KDM5A: variants seen among roughly 807,000 people sequenced by gnomAD.
KDM5A encodes lysine demethylase 5A.
In KDM5A, 42 loss-of-function variants were observed where a neutral mutation model predicts 193.5. The ratio of observed to expected loss-of-function variants is 0.22; its 90% confidence interval spans 0.17 to 0.28. The LOEUF (loss-of-function observed/expected upper bound fraction) is 0.28, where lower values mean the gene tolerates loss of function less well. KDM5A is among the 10% of genes least tolerant of loss of function. The pLI is 1.00. For synonymous variants in KDM5A, 796 were observed against 718.1 expected, an observed-to-expected ratio of 1.11 and a Z score of -1.73; for missense variants, 1,692 against 2,055.1, an observed-to-expected ratio of 0.82 and a Z score of 3.42.
chr12:284,140 T>A lies in KDM5A; in HGVS notation c.*1316A>T, dbSNP rs1213286354. On this transcript the variant is annotated 3_prime_UTR_variant, in exon 28 of 28. Coordinates refer to ENST00000399788, the MANE Select transcript of KDM5A (RefSeq NM_001042603.3). ...AAAGAAGGAATGGGATTTTTTTTTT[T>A]AAAGCAAAAAAGAAAAAGCAAGCCC... 7 of 228,442 alleles carry A rather than the reference T, an allele frequency of 3.1e-5. No homozygotes were observed. Among genetic ancestry groups the A allele is most frequent in the Non-Finnish European group, 4.3e-5 (5 of 115,344 alleles). 14.2% of individuals were successfully genotyped at this position (228,442 alleles called of 1,614,324 possible). A position where few individuals can be genotyped will look rare whatever the true frequency, so the allele number is the denominator to read the frequency against.
intron 24 of KDM5A, among the ~76,000 whole-genome samples, chr12:305,912 T>C (rs1943497379): frequency 6.6e-6 from 1 of 151,746 alleles, no homozygotes; most frequent in Non-Finnish European, 1.5e-5. Context: ...GAATGTGACA[T>C]TCTATCTAGC....
intron 19 of KDM5A, among the ~76,000 whole-genome samples, chr12:314,520 G>T (rs1465030386): frequency 6.6e-6 from 1 of 151,208 alleles, no homozygotes; most frequent in Non-Finnish European, 1.5e-5. Flanking sequence ...ATCTTATGAA[G>T]ATTATTCATA....
chr12:311,190 C>T, intron 20 of KDM5A, 126 bp from the exon 21 acceptor site: 1 of 828,992 alleles, frequency 1.2e-6, no homozygotes, highest in Non-Finnish European at 1.9e-6. Flanking sequence ...AATGTAATTC[C>T]ATCTCTTGAA....
rs201344467 is a variant in KDM5A at position 322,591 on chromosome 12, C to G, written c.2276-24G>C. 455 of 1,599,940 alleles carry G rather than the reference C, an allele frequency of 2.8e-4. 6 individuals carry two copies. The Middle Eastern group carries it at 9.6e-3, about 34-fold the overall frequency. The stretch of plus-strand genomic sequence containing the variant: ...ATCTGTAAAAATTTAAATAAAGAGC[C>G]ATATACAATAACCATAGACACAAAA... On this transcript the variant is annotated intron_variant, in intron 16 of 27. Transcript: ENST00000399788.
rs1031223874 is a variant in KDM5A, at chr12:283,023, C to T, written c.*2433G>A. 2.2e-5 allele frequency: 5 copies of T among 231,194 alleles called. No individual in the cohort carries two copies. The highest frequency in any genetic ancestry group is 3.4e-5 in the Non-Finnish European group (4 of 116,946). 14.3% of individuals were successfully genotyped at this position (231,194 alleles called of 1,614,324 possible). A position where few individuals can be genotyped will look rare whatever the true frequency, so the allele number is the denominator to read the frequency against. ...AATACAGAAAATCCCACAGTATCAACGAAAAGACATATTTAAGTTTCAAAA... is the reference window on the plus strand; with the variant it reads ...AATACAGAAAATCCCACAGTATCAATGAAAAGACATATTTAAGTTTCAAAA... On this transcript the variant is annotated 3_prime_UTR_variant, in exon 28 of 28. Transcript: ENST00000399788.
In KDM5A at chr12:365,969, G is replaced by A. The variant is rs773120976; in HGVS notation, c.502C>T (p.Pro168Ser). Reference protein sequence around the residue: ...LKSHYERILYPYELFQSGVSL... With the variant: ...LKSHYERILYSYELFQSGVSL... ...ACACCAGACTGGAAAAGCTCATATG[G>A]GTAGAGAATTCTTTCATAATGTGAC... The change falls in exon 4 of 28, where the codon CCA becomes TCA. Residue 168 changes from proline (P) to serine (S), a missense_variant. Pro to Ser is a moderately conservative substitution (Grantham distance 74, BLOSUM62 -1). Coordinates refer to ENST00000399788, the MANE Select transcript of KDM5A (RefSeq NM_001042603.3). 1 of 1,613,940 alleles carries A rather than the reference G, an allele frequency of 6.2e-7. No homozygotes were observed. The highest frequency in any genetic ancestry group is 8.5e-7 in the Non-Finnish European group (1 of 1,179,892).
chr12:362,857 C>T lies in KDM5A; in HGVS notation c.672+106G>A, dbSNP rs1944309022. ...ATACCAACCAGCAATACTCAAGAGG[C>T]GGAGGCAAGAGGATCACTTGAGCCA... On this transcript the variant is annotated intron_variant, in intron 5 of 27. Transcript: ENST00000399788. The T allele has an allele frequency of 8.8e-6, 9 of 1,020,996 alleles. No homozygotes were observed. In the East Asian group the frequency reaches 1.2e-4, roughly 14 times the overall value. 63.2% of individuals were successfully genotyped at this position (1,020,996 alleles called of 1,614,324 possible).
chr12:341,473 A>C (rs1184076300), intron 10 of KDM5A, among the ~76,000 whole-genome samples: 1 of 150,082 alleles, frequency 6.7e-6, no homozygotes, highest in South Asian at 2.1e-4. Flanking sequence ...CTACCATGAC[A>C]AGAGGGAAAA....
At chr12:366,585 A>G (rs750058712) in intron 3 of KDM5A, among the ~76,000 whole-genome samples, 1 of 152,208 alleles carries the variant, frequency 6.6e-6, no homozygotes, top group Non-Finnish European at 1.5e-5. Context: ...TGTGAAAAAC[A>G]GGCTATAATT....
At chr12:323,277 TTAAAAA>T in intron 15 of KDM5A, 71 bp from the exon 16 acceptor site, 2 of 1,358,958 alleles carry the variant, frequency 1.5e-6, no homozygotes, top group Non-Finnish European at 1.9e-6. Flanking sequence ...CAACAATAAC[TTAAAAA>T]TAAAGTTTTA....
At chr12:345,898 G>A (rs1944067003) in intron 10 of KDM5A, among the ~76,000 whole-genome samples, 1 of 152,028 alleles carries the variant, frequency 6.6e-6, no homozygotes, top group African/African-American at 2.4e-5. Context: ...CTAGCAGAAG[G>A]CAAGAAATAA....
At chr12:385,585 C>T (rs896502143) in intron 2 of KDM5A, among the ~76,000 whole-genome samples, 16 of 151,818 alleles carry the variant, frequency 1.1e-4, no homozygotes, top group Non-Finnish European at 2.9e-5. Flanking sequence ...TTCCAAGAAC[C>T]GAGGGAGAAA....
intron 14 of KDM5A, among the ~76,000 whole-genome samples, chr12:326,722 G>A (rs1000541267): frequency 2.0e-5 from 3 of 152,070 alleles, no homozygotes; most frequent in South Asian, 2.1e-4. Flanking sequence ...TTAGCCGGGC[G>A]TGGTGGCAGG....
chr12:321,177 A>AG, intron 17 of KDM5A, 68 bp from the exon 18 acceptor site: 1 of 1,091,048 alleles, frequency 9.2e-7, no homozygotes, highest in South Asian at 1.2e-5. Context: ...AAGGGCTCCT[A>AG]GTCTCTTCAG....
At chr12:296,834 C>T (rs1388207762) in intron 25 of KDM5A, among the ~76,000 whole-genome samples, 1 of 152,182 alleles carries the variant, frequency 6.6e-6, no homozygotes, top group African/African-American at 2.4e-5. Context: ...GACTCTAAAA[C>T]TCTATGTAAG....
At chr12:303,125 A>G (rs1384685563) in intron 24 of KDM5A, among the ~76,000 whole-genome samples, 1 of 152,234 alleles carries the variant, frequency 6.6e-6, no homozygotes. Context: ...AAGAATCTAG[A>G]ACTAGAATTA....
chr12:341,362 G>C (rs774627615), intron 10 of KDM5A, among the ~76,000 whole-genome samples: 12 of 151,988 alleles, frequency 7.9e-5, no homozygotes, highest in Non-Finnish European at 1.6e-4. Flanking sequence ...ATATAATCTA[G>C]GTTCTCCATC....
At chr12:295,923 T>C in intron 25 of KDM5A, 130 bp from the exon 26 acceptor site, 2 of 765,616 alleles carry the variant, frequency 2.6e-6, no homozygotes, top group South Asian at 3.0e-5. Context: ...ATTCATTATA[T>C]CAGTATGAAA....
intron 1 of KDM5A, chr12:388,114 C>T (rs1944667871): frequency 3.5e-6 from 1 of 289,430 alleles, no homozygotes. Context: ...GGTCCAGCAA[C>T]ATCATTTAAA....
Sources: gnomAD v4.1 joint callset for allele counts (sites outside exome capture counted in the v4.1 genomes callset) on GRCh38, gnomAD v4.1.1 for gene constraint, MANE v1.5 for transcripts, NCBI Gene and HGNC (gene_info 2026-07-23, HGNC 2026-07-21) for gene names.